The following LRRK1 variants were observed in gnomAD, a reference collection of about 807,000 sequenced individuals.
LRRK1 encodes leucine rich repeat kinase 1.
LRRK1 carries 113 observed loss-of-function variants against 209.1 expected under a neutral mutation model. That is an observed-to-expected ratio of 0.54 (90% CI 0.46 to 0.63). The LOEUF (loss-of-function observed/expected upper bound fraction) is 0.63, where lower values mean the gene tolerates loss of function less well. Ranked by LOEUF, LRRK1 falls within the 30% of genes least tolerant of loss-of-function variation. The pLI is 0.00. For synonymous variants in LRRK1, 1,144 were observed against 1,099.7 expected, an observed-to-expected ratio of 1.04 and a Z score of -0.80; for missense variants, 2,284 against 2,632.2, an observed-to-expected ratio of 0.87 and a Z score of 2.89.
intron 2 of LRRK1, among the ~76,000 whole-genome samples, chr15:100,928,184 T>A (rs989876247): frequency 2.0e-5 from 3 of 152,252 alleles, no homozygotes; most frequent in Non-Finnish European, 4.4e-5. Flanking sequence ...GTACTGATGA[T>A]TTGTGTTTAG....
At chr15:100,931,980 CT>C (rs2042220983) in intron 2 of LRRK1, among the ~76,000 whole-genome samples, 1 of 143,562 alleles carries the variant, frequency 7.0e-6, no homozygotes, top group Non-Finnish European at 1.5e-5. Flanking sequence ...AGTGTGTTTT[CT>C]TTTTGTTTGT....
Position 101,021,828 on chromosome 15 carries a change from G to T in LRRK1, c.1740-17G>T. On this transcript the variant is annotated splice_polypyrimidine_tract_variant and intron_variant, in intron 13 of 33. Transcript: ENST00000388948. Reference sequence around the variant, plus strand: ...TGTGTGTGTGTATTCTCTCGTGGTGGACACATCTGTCTTCAGCAACCCTGG... The same window carrying T: ...TGTGTGTGTGTATTCTCTCGTGGTGTACACATCTGTCTTCAGCAACCCTGG... 6.6e-7 allele frequency: 1 copy of T among 1,514,124 alleles called. No individual in the cohort carries two copies. Among genetic ancestry groups the T allele is most frequent in the South Asian group, 1.1e-5 (1 of 88,324 alleles). 93.8% of individuals were successfully genotyped at this position (1,514,124 alleles called of 1,614,324 possible).
At chr15:100,934,337 A>AG (rs2042256980) in intron 2 of LRRK1, among the ~76,000 whole-genome samples, 1 of 152,166 alleles carries the variant, frequency 6.6e-6, no homozygotes, top group Non-Finnish European at 1.5e-5. Flanking sequence ...ATTTCTTCTA[A>AG]GCCCCAGCTT....
intron 2 of LRRK1, among the ~76,000 whole-genome samples, chr15:100,957,835 T>A (rs7183613): frequency 0.21 from 32,154 of 152,246 alleles, 3,709 homozygotes; most frequent in East Asian, 0.5. Context: ...TTTGCCAATT[T>A]TTTAATTATT....
chr15:101,066,546 G>A lies in LRRK1; in HGVS notation c.5769-94G>A, dbSNP rs1310378997. ...CCTTAGCAGAAACTGCATGTCTGTT[G>A]CCTCCCTCCCGCACCTTTCTGCACA... On this transcript the variant is annotated intron_variant, in intron 32 of 33. Transcript: ENST00000388948. The A allele has an allele frequency of 1.4e-5, 16 of 1,114,970 alleles. No homozygotes were observed. In the Admixed American group the frequency reaches 2.9e-4, roughly 20 times the overall value. 69.1% of individuals were successfully genotyped at this position (1,114,970 alleles called of 1,614,324 possible). A position where few individuals can be genotyped will look rare whatever the true frequency, so the allele number is the denominator to read the frequency against.
chr15:100,944,428 G>T (rs1343539825), intron 2 of LRRK1, among the ~76,000 whole-genome samples: 1 of 152,156 alleles, frequency 6.6e-6, no homozygotes, highest in Non-Finnish European at 1.5e-5. Context: ...TCGAAGGGGT[G>T]GGGTAGGCAA....
chr15:100,926,680 C>CTTTTTTTTTTTTTT (rs71151990), intron 2 of LRRK1, among the ~76,000 whole-genome samples: 45 of 81,848 alleles, frequency 5.5e-4, no homozygotes, highest in Middle Eastern at 7.1e-3. Context: ...TTCTTTTTTT[C>CTTTTTTTTTTTTTT]TTTTTTTTTT....
chr15:101,027,227 C>T lies in LRRK1; in HGVS notation c.2406-34C>T. ...GCAGCAGCGCTTCCTCGGAGTGGGG[C>T]ATGATGAGTAAAGACGGGTCTTTTT... On this transcript the variant is annotated intron_variant, in intron 17 of 33. Coordinates refer to ENST00000388948, the MANE Select transcript of LRRK1 (RefSeq NM_024652.6). This position sits in a 1 kb window ranked among gnomAD's most constrained non-coding sequence, Gnocchi z 5.1. 1.9e-6 allele frequency: 3 copies of T among 1,612,184 alleles called. No individual in the cohort carries two copies. Among genetic ancestry groups the T allele is most frequent in the Admixed American group, 1.7e-5 (1 of 59,864 alleles).
chr15:101,014,163 T>G (rs1469880470), intron 10 of LRRK1, among the ~76,000 whole-genome samples, 153 bp from the exon 11 acceptor site: 3 of 152,160 alleles, frequency 2.0e-5, no homozygotes, highest in Non-Finnish European at 4.4e-5. Context: ...TTGAAGAGGC[T>G]GCTGGGCCCC....
chr15:100,993,766 C>T (rs1262584728), intron 6 of LRRK1, among the ~76,000 whole-genome samples: 1 of 152,174 alleles, frequency 6.6e-6, no homozygotes, highest in Non-Finnish European at 1.5e-5. Flanking sequence ...TGTGTACAAC[C>T]TGTCCTATTA....
chr15:100,930,162 A>C (rs1031014584), intron 2 of LRRK1, among the ~76,000 whole-genome samples: 11 of 152,208 alleles, frequency 7.2e-5, no homozygotes, highest in Admixed American at 7.2e-4. Flanking sequence ...CTCTCTTTGC[A>C]CCAGGCTTTA....
chr15:101,022,028 C>A lies in LRRK1; in HGVS notation c.1852+71C>A. ...ACAACTCCAGTCCACTTGTTAAGTT[C>A]TGGGGGTGGAGACAGTTGGTGACCC... On this transcript the variant is annotated intron_variant, in intron 14 of 33. Coordinates refer to ENST00000388948, the MANE Select transcript of LRRK1 (RefSeq NM_024652.6). This position sits in a 1 kb window ranked among gnomAD's most constrained non-coding sequence, Gnocchi z 4.0. 1.8e-6 allele frequency: 2 copies of A among 1,119,876 alleles called. No individual in the cohort carries two copies. Among genetic ancestry groups the A allele is most frequent in the Non-Finnish European group, 2.6e-6 (2 of 760,060 alleles). 69.4% of individuals were successfully genotyped at this position (1,119,876 alleles called of 1,614,324 possible).
rs115315587 is a variant in LRRK1, at chr15:101,025,406, T to C, written c.2232+439T>C. ...CACGGAGAATGAGGAGCACAGGTGC[T>C]GCCTGGGCTGACATCCTGTAGCGCA... On this transcript the variant is annotated intron_variant, in intron 16 of 33. Coordinates refer to ENST00000388948, the MANE Select transcript of LRRK1 (RefSeq NM_024652.6). Among the ~76,000 whole-genome samples, 339 of 152,356 alleles carry C rather than the reference T, an allele frequency of 2.2e-3. 1 individual carries two copies. Among genetic ancestry groups the C allele is most frequent in the African/African-American group, 7.6e-3 (316 of 41,588 alleles).
At chr15:101,001,221 C>T (rs1301559947) in intron 6 of LRRK1, among the ~76,000 whole-genome samples, 4 of 152,104 alleles carry the variant, frequency 2.6e-5, no homozygotes, top group African/African-American at 9.7e-5. Flanking sequence ...ACTCAGGGCC[C>T]CGTCTGATGG....
rs1336153388 is a variant in LRRK1 at position 101,055,019 on chromosome 15, C to T, written c.4128C>T (p.Tyr1376=). ...ACCAGATCGCCTCGGGCCTGGCCTA[C>T]CTGCACAAGAAAAACATCATCTTCT... The part of the protein sequence containing the change: ...IAYQIASGLA[Y]LHKKNIIFCD... The change falls in exon 27 of 34, where the codon TAC becomes TAT. Residue 1376 remains tyrosine, a synonymous_variant. Transcript: ENST00000388948. 2.5e-6 allele frequency: 4 copies of T among 1,614,184 alleles called. No homozygotes were observed. The highest frequency in any genetic ancestry group is 1.1e-5 in the South Asian group (1 of 91,080).
chr15:100,983,033 G>A (rs991959819), intron 3 of LRRK1, among the ~76,000 whole-genome samples: 5 of 152,148 alleles, frequency 3.3e-5, no homozygotes, highest in African/African-American at 1.2e-4. Flanking sequence ...AAAATTAGCC[G>A]GTGTGGTGGC....
chr15:100,925,859 A>C (rs1183597133), intron 2 of LRRK1, among the ~76,000 whole-genome samples: 2 of 152,208 alleles, frequency 1.3e-5, no homozygotes, highest in African/African-American at 4.8e-5. Flanking sequence ...TGCCATCTGA[A>C]CCCTGTCTTA....
chr15:100,980,735 T>C (rs2031552665), intron 3 of LRRK1, among the ~76,000 whole-genome samples: 1 of 152,182 alleles, frequency 6.6e-6, no homozygotes, highest in South Asian at 2.1e-4. Context: ...ATTCCACTTT[T>C]ACAGCACTTA....
intron 2 of LRRK1, among the ~76,000 whole-genome samples, chr15:100,965,667 T>A (rs1287320323): frequency 6.6e-6 from 1 of 152,104 alleles, no homozygotes; most frequent in Non-Finnish European, 1.5e-5. Context: ...CCACTGCCTT[T>A]AAAAATCAAA....
Sources: allele counts gnomAD v4.1 joint callset (sites outside exome capture counted in the v4.1 genomes callset), GRCh38; gene constraint gnomAD v4.1.1; non-coding constraint Gnocchi (gnomAD v3.1); transcripts MANE v1.5; gene names NCBI Gene and HGNC (gene_info 2026-07-23, HGNC 2026-07-21).